Variants in ACO1 observed in about 807,000 individuals in gnomAD.
ACO1 encodes cytoplasmic aconitate hydratase.
In ACO1, 78 loss-of-function variants were observed where a neutral mutation model predicts 105.1. The observed-to-expected ratio is 0.74, with a 90% CI of 0.62 to 0.90. The LOEUF (loss-of-function observed/expected upper bound fraction) is 0.90, where lower values mean the gene tolerates loss of function less well. Ranked by LOEUF, ACO1 falls within the 40% of genes least tolerant of loss-of-function variation. The probability of loss-of-function intolerance (pLI) is 0.00; values close to 1 mark genes in which losing one functional copy is unlikely to be tolerated. For synonymous variants in ACO1, 364 were observed against 397.4 expected, an observed-to-expected ratio of 0.92 and a Z score of 1.00; for missense variants, 965 against 1,111.1, an observed-to-expected ratio of 0.87 and a Z score of 1.87.
At chr9:32,449,962 C>G (rs1218514091) in intron 20 of ACO1, 36 bp from the exon 21 acceptor site, 6 of 1,566,624 alleles carry the variant, frequency 3.8e-6, no homozygotes, top group Admixed American at 1.7e-5. Context: ...GTCTCGCCAC[C>G]TCCCTCAATG....
At chr9:32,422,755 T>G (rs1389171730) in intron 8 of ACO1, among the ~76,000 whole-genome samples, 1 of 152,216 alleles carries the variant, frequency 6.6e-6, no homozygotes, top group Non-Finnish European at 1.5e-5. Context: ...TTAGTCTTCT[T>G]GAGCCGCCAT....
intron 19 of ACO1, chr9:32,445,915 T>A (rs572750881): frequency 1.3e-5 from 2 of 152,370 alleles, no homozygotes; most frequent in East Asian, 3.9e-4. Context: ...TGTAGTTGTG[T>A]GGTTTTGAGT....
intron 1 of ACO1, among the ~76,000 whole-genome samples, chr9:32,401,308 C>T (rs1363668160): frequency 6.6e-6 from 1 of 151,556 alleles, no homozygotes; most frequent in Non-Finnish European, 1.5e-5. Context: ...CTTTTTTCAA[C>T]TCTACCTGTG....
intron 1 of ACO1, among the ~76,000 whole-genome samples, chr9:32,392,243 G>C (rs1366814800): frequency 2.0e-5 from 3 of 152,172 alleles, no homozygotes; most frequent in Non-Finnish European, 2.9e-5. Flanking sequence ...GTGCAAGAGA[G>C]TTGGTTCTGA....
chr9:32,406,411 A>G (rs1432185996), intron 2 of ACO1, among the ~76,000 whole-genome samples: 1 of 152,342 alleles, frequency 6.6e-6, no homozygotes, highest in East Asian at 1.9e-4. Flanking sequence ...GATTGAGTCC[A>G]GGAGTTTAAG....
chr9:32,435,931 T>C, intron 17 of ACO1: 1 of 470,380 alleles, frequency 2.1e-6, no homozygotes, highest in South Asian at 1.7e-5. Context: ...TTATCTTATA[T>C]GAAGCTTTAT....
At chr9:32,394,976 A>G (rs1235731389) in intron 1 of ACO1, among the ~76,000 whole-genome samples, 4 of 152,162 alleles carry the variant, frequency 2.6e-5, no homozygotes, top group Admixed American at 1.3e-4. Context: ...CAGACACCCA[A>G]TCTCTTGTGG....
chr9:32,428,400 C>T (rs1822148072), intron 12 of ACO1, among the ~76,000 whole-genome samples: 1 of 151,970 alleles, frequency 6.6e-6, no homozygotes, highest in Non-Finnish European at 1.5e-5. Flanking sequence ...TCTTCAGGGG[C>T]AATAACATCC....
chr9:32,437,542 G>A (rs1233911312), intron 18 of ACO1, among the ~76,000 whole-genome samples: 2 of 152,202 alleles, frequency 1.3e-5, no homozygotes, highest in South Asian at 2.1e-4. Flanking sequence ...AAGACTTGTA[G>A]TTATAGACAT....
At chr9:32,385,321 A>G (rs1821135655) in intron 1 of ACO1, among the ~76,000 whole-genome samples, 1 of 152,194 alleles carries the variant, frequency 6.6e-6, no homozygotes, top group Non-Finnish European at 1.5e-5. Flanking sequence ...TCATAATGGC[A>G]TCTTCCTTCT....
chr9:32,432,994 G>C (rs560471677), intron 15 of ACO1, among the ~76,000 whole-genome samples: 11 of 152,072 alleles, frequency 7.2e-5, no homozygotes, highest in African/African-American at 2.4e-5. Flanking sequence ...CTGGCTGTTC[G>C]CTAGAAGCCT....
Position 32,425,934 on chromosome 9 carries a change from G to A in ACO1, c.1285G>A (p.Val429Met), listed in dbSNP as rs1303689442. Residue 429 changes from valine to methionine, a missense_variant, in exon 11 of 21, where the codon GTG becomes ATG. By Grantham distance (21) the Val-to-Met change is conservative. Coordinates refer to ENST00000309951, the MANE Select transcript of ACO1 (RefSeq NM_002197.3). ...NTEFTLAHGS[V>M]VIAAITSCTN... ...TGAATTCACCCTTGCTCATGGTTCTGTGGTCATTGCTGCCATTACTAGCTG... is the reference window on the plus strand; with the variant it reads ...TGAATTCACCCTTGCTCATGGTTCTATGGTCATTGCTGCCATTACTAGCTG... 6.2e-7 allele frequency: 1 copy of A among 1,613,978 alleles called. No individual in the cohort carries two copies. The highest frequency in any genetic ancestry group is 1.7e-5 in the Admixed American group (1 of 60,004).
intron 4 of ACO1, among the ~76,000 whole-genome samples, chr9:32,417,076 G>A (rs1263004720): frequency 2.0e-5 from 3 of 152,108 alleles, no homozygotes; most frequent in African/African-American, 4.8e-5. Flanking sequence ...GTGTCAACTC[G>A]GGAGTCAGAC....
At chr9:32,447,882 G>A (rs763768069) in intron 19 of ACO1, among the ~76,000 whole-genome samples, 3 of 152,158 alleles carry the variant, frequency 2.0e-5, no homozygotes, top group Non-Finnish European at 4.4e-5. Context: ...GTTTGCCTGG[G>A]TATCACCAGC....
At chr9:32,421,414 A>T (rs1301794402) in intron 8 of ACO1, among the ~76,000 whole-genome samples, 3 of 152,200 alleles carry the variant, frequency 2.0e-5, no homozygotes, top group African/African-American at 2.4e-5. Context: ...TGACTAGTTA[A>T]TTAACATTAG....
rs766698567 is a variant in ACO1 at position 32,425,915 on chromosome 9, C to T, written c.1266C>T (p.Phe422=). ...CCTTTATCTATGATAACACTGAATT[C>T]ACCCTTGCTCATGGTTCTGTGGTCA... ...HKTFIYDNTE[F]TLAHGSVVIA... Residue 422 remains phenylalanine (F), a synonymous_variant, in exon 11 of 21, where the codon TTC becomes TTT. Coordinates refer to ENST00000309951, the MANE Select transcript of ACO1 (RefSeq NM_002197.3). 4.3e-6 allele frequency: 7 copies of T among 1,613,938 alleles called. No homozygotes were observed. The highest frequency in any genetic ancestry group is 5.9e-6 in the Non-Finnish European group (7 of 1,179,852).
chr9:32,442,387 A>G (rs922993367), intron 19 of ACO1, among the ~76,000 whole-genome samples: 2 of 152,182 alleles, frequency 1.3e-5, no homozygotes, highest in Non-Finnish European at 2.9e-5. Context: ...GGGCATCTTA[A>G]AAGTGTGCCC....
At chr9:32,448,420 C>G (rs549667648) in intron 19 of ACO1, among the ~76,000 whole-genome samples, 2 of 152,356 alleles carry the variant, frequency 1.3e-5, no homozygotes, top group South Asian at 4.1e-4. Context: ...GCTGTGCTAG[C>G]AGCAAGAATT....
chr9:32,427,379 G>A lies in ACO1; in HGVS notation c.1427G>A (p.Gly476Asp). 1 of 1,614,182 alleles carries A rather than the reference G, an allele frequency of 6.2e-7. No individual in the cohort carries two copies. Reference sequence around the variant, plus strand: ...AAAACTAGCCTGTCTCCTGGGAGTGGCGTGGTCACCTACTACCTACAAGAA... The same window carrying A: ...AAAACTAGCCTGTCTCCTGGGAGTGACGTGGTCACCTACTACCTACAAGAA... The part of the protein sequence containing the change: ...YIKTSLSPGS[G>D]VVTYYLQESG... The change falls in exon 12 of 21, where the codon GGC becomes GAC. Residue 476 changes from glycine to aspartate, a missense_variant. Physicochemically the swap from Gly to Asp is moderately conservative, Grantham distance 94 (BLOSUM62 -1). Transcript: ENST00000309951.
Sources: gnomAD v4.1 joint callset for allele counts (sites outside exome capture counted in the v4.1 genomes callset) on GRCh38, gnomAD v4.1.1 for gene constraint, MANE v1.5 for transcripts, NCBI Gene and HGNC (gene_info 2026-07-23, HGNC 2026-07-21) for gene names.